SULT1E1: variants seen among roughly 807,000 people sequenced by gnomAD.
SULT1E1 encodes the protein sulfotransferase 1E1.
Under a neutral mutation model 33.6 loss-of-function variants are expected in SULT1E1, and 36 were observed. The ratio of observed to expected loss-of-function variants is 1.07; its 90% CI spans 0.82 to 1.41. The LOEUF is 1.41. Among genes scored for constraint, SULT1E1 ranks in the 40% most tolerant of loss-of-function variants. The pLI is 0.00. For missense variants in SULT1E1, 371 were observed against 345.7 expected, an observed-to-expected ratio of 1.07 and a Z score of -0.58; for synonymous variants, 121 against 111.7, an observed-to-expected ratio of 1.08 and a Z score of -0.53.
rs200739582 is a variant in SULT1E1 at position 69,849,685 on chromosome 4, T to C, written c.370-122A>G. 4.0e-4 allele frequency: 345 copies of C among 856,130 alleles called. 5 individuals are homozygous for C. In the East Asian group the frequency reaches 0.01, roughly 25 times the overall value. The allele number at this position is 856,130 out of a possible 1,614,324, so 53.0% of individuals were successfully genotyped here. A position where few individuals can be genotyped will look rare whatever the true frequency, so the allele number is the denominator to read the frequency against. Reference sequence around the variant, plus strand: ...CATAATACACATTAATTTTACAAAATGCATAAGACATGTACAATTATTTAT... The same window carrying C: ...CATAATACACATTAATTTTACAAAACGCATAAGACATGTACAATTATTTAT... On this transcript the variant is annotated intron_variant, in intron 4 of 7. Coordinates refer to ENST00000226444, the MANE Select transcript of SULT1E1 (RefSeq NM_005420.3).
the SULT1E1 span, among the ~76,000 whole-genome samples, chr4:69,822,351 A>G: frequency 6.6e-6 from 1 of 152,192 alleles, no homozygotes; most frequent in African/African-American, 2.4e-5. Flanking sequence ...TCACACATGT[A>G]ATCTCGGCAC....
intron 6 of SULT1E1, among the ~76,000 whole-genome samples, chr4:69,847,406 G>GTGTGTGTGTGCC (rs1391455882): frequency 1.3e-5 from 2 of 151,690 alleles, no homozygotes; most frequent in Non-Finnish European, 3.0e-5. Flanking sequence ...GTGAATGTGT[G>GTGTGTGTGTGCC]TGTGTGTGTG....
chr4:69,845,397 G>A (rs879820637), intron 6 of SULT1E1, among the ~76,000 whole-genome samples: 34 of 151,572 alleles, frequency 2.2e-4, no homozygotes, highest in Middle Eastern at 6.9e-3. Flanking sequence ...AATATGTCAT[G>A]TACCCCATAA....
the SULT1E1 span, among the ~76,000 whole-genome samples, chr4:69,824,648 T>A: frequency 1.3e-5 from 2 of 152,050 alleles, no homozygotes; most frequent in African/African-American, 4.8e-5. Context: ...AATGCACCAA[T>A]CAGCACTCTG....
intron 7 of SULT1E1, among the ~76,000 whole-genome samples, chr4:69,843,757 T>C (rs1271142976): frequency 6.6e-6 from 1 of 152,186 alleles, no homozygotes; most frequent in African/African-American, 2.4e-5. Context: ...TAAAAAATGT[T>C]GACAAACTAT....
intron 4 of SULT1E1, among the ~76,000 whole-genome samples, chr4:69,849,776 C>T (rs1341511680): frequency 6.6e-6 from 1 of 151,962 alleles, no homozygotes; most frequent in Non-Finnish European, 1.5e-5. Context: ...GTTCTCACTA[C>T]AAACAGAACA....
chr4:69,852,710 T>A (rs565666085), intron 4 of SULT1E1, among the ~76,000 whole-genome samples: 1 of 152,184 alleles, frequency 6.6e-6, no homozygotes, highest in Non-Finnish European at 1.5e-5. Flanking sequence ...GTTGTTGTTG[T>A]TTCTCTGTAA....
chr4:69,858,417 G>C (rs1024612991), intron 1 of SULT1E1, among the ~76,000 whole-genome samples: 1 of 152,054 alleles, frequency 6.6e-6, no homozygotes, highest in Non-Finnish European at 1.5e-5. Flanking sequence ...GTTACTAACA[G>C]AATTTTTAAT....
chr4:69,836,908 T>C (rs1030741318), downstream of SULT1E1, among the ~76,000 whole-genome samples: 9 of 152,166 alleles, frequency 5.9e-5, no homozygotes, highest in Non-Finnish European at 8.8e-5. Context: ...GTTTTCTATT[T>C]TGTAAAATAA....
chr4:69,835,973 T>C, the SULT1E1 span, among the ~76,000 whole-genome samples: 8 of 152,170 alleles, frequency 5.3e-5, no homozygotes, highest in Non-Finnish European at 7.3e-5. Context: ...AGATTCTTCA[T>C]AGAATCATTG....
At chr4:69,830,655 G>A in the SULT1E1 span, among the ~76,000 whole-genome samples, 1 of 152,224 alleles carries the variant, frequency 6.6e-6, no homozygotes, top group Non-Finnish European at 1.5e-5. Flanking sequence ...CTGCGCATAT[G>A]CCTGGGCATT....
chr4:69,838,304 A>G (rs1362672560), downstream of SULT1E1: 8 of 149,574 alleles, frequency 5.3e-5, no homozygotes, highest in Non-Finnish European at 8.9e-5. Flanking sequence ...TTTTTACTTT[A>G]TTCTGTTTAC....
chr4:69,847,446 G>A (rs1274201911), intron 6 of SULT1E1, among the ~76,000 whole-genome samples: 1 of 151,344 alleles, frequency 6.6e-6, no homozygotes, highest in Non-Finnish European at 1.5e-5. Context: ...GATTCATGAA[G>A]TCAAGTTCTT....
At chr4:69,844,084 A>G (rs1276613205) in intron 7 of SULT1E1, 77 bp downstream of exon 7, 2 of 1,353,530 alleles carry the variant, frequency 1.5e-6, no homozygotes, top group Non-Finnish European at 2.1e-6. Context: ...GCATTAAAAT[A>G]CCTCACTAGA....
intron 6 of SULT1E1, among the ~76,000 whole-genome samples, chr4:69,847,110 T>C (rs910165815): frequency 1.3e-5 from 2 of 151,762 alleles, no homozygotes; most frequent in Admixed American, 6.6e-5. Flanking sequence ...CTTAGCTCCA[T>C]CTTTTACTTC....
rs190739197 is a variant in SULT1E1, at chr4:69,851,472, C to T, written c.370-1909G>A. The stretch of plus-strand genomic sequence containing the variant: ...TGGTGATCATTAAAAAGTCAGGAAA[C>T]AACAGGTGCTGGAGAGGATGTGGAG... On this transcript the variant is annotated intron_variant, in intron 4 of 7. Coordinates refer to ENST00000226444, the MANE Select transcript of SULT1E1 (RefSeq NM_005420.3). Among the ~76,000 whole-genome samples the T allele has an allele frequency of 2.8e-3, 422 of 152,250 alleles. 3 individuals are homozygous for T. Among genetic ancestry groups the T allele is most frequent in the African/African-American group, 9.5e-3 (396 of 41,552 alleles).
the SULT1E1 span, among the ~76,000 whole-genome samples, chr4:69,828,294 A>T: frequency 6.6e-6 from 1 of 152,154 alleles, no homozygotes; most frequent in Non-Finnish European, 1.5e-5. Flanking sequence ...TTCACAATAA[A>T]TCTTGCTGCC....
intron 3 of SULT1E1, 79 bp downstream of exon 3, chr4:69,855,222 A>G (rs921634341): frequency 6.9e-7 from 1 of 1,441,342 alleles, no homozygotes. Flanking sequence ...ATTCTTGCTT[A>G]TAATCTCATT....
the SULT1E1 span, among the ~76,000 whole-genome samples, chr4:69,835,248 G>A: frequency 3.9e-5 from 6 of 152,192 alleles, no homozygotes; most frequent in South Asian, 6.2e-4. Context: ...TCCTTTATGT[G>A]TTTCCAAAGC....
Sources: gnomAD v4.1 joint callset for allele counts (sites outside exome capture counted in the v4.1 genomes callset) on GRCh38, gnomAD v4.1.1 for gene constraint, MANE v1.5 for transcripts, NCBI Gene and HGNC (gene_info 2026-07-23, HGNC 2026-07-21) for gene names.